ROBO2: variants seen among roughly 807,000 people sequenced by gnomAD.
ROBO2 encodes the protein roundabout guidance receptor 2.
ROBO2 carries 53 observed loss-of-function variants against 160.8 expected under a neutral mutation model. The ratio of observed to expected loss-of-function variants is 0.33; its 90% confidence interval spans 0.26 to 0.41. The LOEUF (loss-of-function observed/expected upper bound fraction) is 0.41. Among genes scored for constraint, ROBO2 ranks in the 10% least tolerant of loss-of-function variants. The pLI is 1.00. For synonymous variants in ROBO2, 664 were observed against 611.7 expected (o/e 1.09, Z -1.26); for missense variants, 1,577 against 1,722.4 (o/e 0.92, Z 1.49).
intron 2 of ROBO2, among the ~76,000 whole-genome samples, chr3:76,834,062 T>TTTTTTCTTTC (rs1553651249): frequency 1.1e-5 from 1 of 88,012 alleles, no homozygotes; most frequent in African/African-American, 4.5e-5. Context: ...CCTTTCTTTC[T>TTTTTTCTTTC]TTTCTTTCTT....
chr3:76,931,824 G>C (rs1411020638), intron 2 of ROBO2, among the ~76,000 whole-genome samples: 3 of 151,998 alleles, frequency 2.0e-5, no homozygotes. Flanking sequence ...GGGATTACAG[G>C]CACCTGCCAC....
At chr3:76,277,422 C>A (rs1198343609) in intron 2 of ROBO2, among the ~76,000 whole-genome samples, 1 of 151,912 alleles carries the variant, frequency 6.6e-6, no homozygotes, top group African/African-American at 2.4e-5. Context: ...AGTTGACGGA[C>A]TAAGAAGTAG....
intron 1 of ROBO2, among the ~76,000 whole-genome samples, chr3:77,088,087 A>C (rs116213018): frequency 0.046 from 6,993 of 152,170 alleles, 527 homozygotes; most frequent in African/African-American, 0.16. Flanking sequence ...GAAATTGAAT[A>C]GCATTTTAAA....
At chr3:77,283,310 C>T (rs930490814) in intron 2 of ROBO2, among the ~76,000 whole-genome samples, 1 of 152,174 alleles carries the variant, frequency 6.6e-6, no homozygotes, top group Non-Finnish European at 1.5e-5. Context: ...ATTGCTCTCA[C>T]ACAACGTTAC....
intron 2 of ROBO2, chr3:77,317,281 T>C: frequency 1.3e-6 from 1 of 765,718 alleles, no homozygotes; most frequent in South Asian, 1.5e-5. Context: ...AGCATTTTTT[T>C]TTTCCCAGTG....
At chr3:77,402,652 T>A (rs937693599) in intron 2 of ROBO2, among the ~76,000 whole-genome samples, 2 of 151,946 alleles carry the variant, frequency 1.3e-5, no homozygotes, top group Non-Finnish European at 2.9e-5. Context: ...AACGGAAGAA[T>A]GCCTCAAGTG....
intron 2 of ROBO2, among the ~76,000 whole-genome samples, chr3:76,005,135 A>AT (rs1257186681): frequency 1.3e-5 from 2 of 152,226 alleles, no homozygotes; most frequent in African/African-American, 4.8e-5. Context: ...TTCCAGAACC[A>AT]TAAAGAATCT....
At chr3:76,478,204 G>C (rs998919144) in intron 2 of ROBO2, among the ~76,000 whole-genome samples, 2 of 98,602 alleles carry the variant, frequency 2.0e-5, no homozygotes, top group Non-Finnish European at 3.8e-5. Flanking sequence ...ACAGTCCCCA[G>C]AGTGTGATGT....
At chr3:75,928,303 T>C (rs905068258) in intron 1 of ROBO2, among the ~76,000 whole-genome samples, 1 of 152,198 alleles carries the variant, frequency 6.6e-6, no homozygotes, top group African/African-American at 2.4e-5. Flanking sequence ...GTTAGCTCTG[T>C]CCAGGGCAAA....
At chr3:76,536,268 C>G (rs1396164559) in intron 2 of ROBO2, among the ~76,000 whole-genome samples, 1 of 152,172 alleles carries the variant, frequency 6.6e-6, no homozygotes, top group African/African-American at 2.4e-5. Flanking sequence ...TGACTCTTCT[C>G]TATTGTTGAA....
At chr3:77,539,344 A>G (rs2092346078) in intron 6 of ROBO2, among the ~76,000 whole-genome samples, 1 of 152,198 alleles carries the variant, frequency 6.6e-6, no homozygotes, top group African/African-American at 2.4e-5. Context: ...AACGTTGTGT[A>G]GCAGCACTCT....
intron 2 of ROBO2, among the ~76,000 whole-genome samples, chr3:76,292,679 A>G (rs1394763800): frequency 6.6e-6 from 1 of 152,318 alleles, no homozygotes; most frequent in East Asian, 1.9e-4. Flanking sequence ...ACTAGAAAGA[A>G]AAATCCCTTC....
At chr3:76,648,708 A>G (rs1282431441) in intron 2 of ROBO2, among the ~76,000 whole-genome samples, 5 of 152,152 alleles carry the variant, frequency 3.3e-5, no homozygotes, top group African/African-American at 2.4e-5. Context: ...CGAAGGGTAT[A>G]TGAGTATCCA....
intron 2 of ROBO2, among the ~76,000 whole-genome samples, chr3:77,275,907 CT>C (rs1364324888): frequency 6.6e-6 from 1 of 152,052 alleles, no homozygotes; most frequent in African/African-American, 2.4e-5. Context: ...GAATCTTTAC[CT>C]TTGTCTACAT....
At chr3:77,609,782 T>TTATA (rs1379653350) in intron 21 of ROBO2, among the ~76,000 whole-genome samples, 3 of 118,916 alleles carry the variant, frequency 2.5e-5, no homozygotes, top group Admixed American at 9.2e-5. Flanking sequence ...TTTGGAAACT[T>TTATA]TATATATACA....
At chr3:76,814,703 G>C (rs756595476) in intron 2 of ROBO2, among the ~76,000 whole-genome samples, 1 of 151,908 alleles carries the variant, frequency 6.6e-6, no homozygotes, top group Non-Finnish European at 1.5e-5. Context: ...TGTAAACCAT[G>C]TCATATAAGA....
intron 2 of ROBO2, among the ~76,000 whole-genome samples, chr3:77,253,590 C>T (rs1161367178): frequency 1.6e-4 from 24 of 152,098 alleles, no homozygotes; most frequent in Admixed American, 1.6e-3. Flanking sequence ...TCTGCTTGGG[C>T]AATGGAAATC....
At chr3:76,113,281 C>T (rs962239391) in intron 2 of ROBO2, among the ~76,000 whole-genome samples, 2 of 151,970 alleles carry the variant, frequency 1.3e-5, no homozygotes, top group Admixed American at 6.6e-5. Flanking sequence ...TAAACATGGG[C>T]CTCCCAATTA....
intron 2 of ROBO2, among the ~76,000 whole-genome samples, chr3:76,505,890 C>G (rs1577717997): frequency 6.6e-6 from 1 of 152,036 alleles, no homozygotes; most frequent in Admixed American, 6.6e-5. Context: ...TTTTTTCAGT[C>G]CAGTGAAAGT....
Sources: allele counts gnomAD v4.1 joint callset (sites outside exome capture counted in the v4.1 genomes callset), GRCh38; gene constraint gnomAD v4.1.1; transcripts MANE v1.5; gene names NCBI Gene and HGNC (gene_info 2026-07-23, HGNC 2026-07-21).